The following TCF12 variants were observed in gnomAD, a reference collection of about 807,000 sequenced individuals.
TCF12 encodes DNA-binding protein HTF4.
Under a neutral mutation model 86.0 loss-of-function variants are expected in TCF12, and 45 were observed. The ratio of observed to expected loss-of-function variants is 0.52; its 90% CI spans 0.41 to 0.67. The LOEUF is 0.67. TCF12 is among the 30% of genes least tolerant of loss of function. The probability of loss-of-function intolerance (pLI) is 0.00; values close to 1 mark genes in which losing one functional copy is unlikely to be tolerated. For missense variants in TCF12, 881 were observed against 859.9 expected, an observed-to-expected ratio of 1.02 and a Z score of -0.31; for synonymous variants, 330 against 299.6, an observed-to-expected ratio of 1.10 and a Z score of -1.05.
chr15:57,084,941 T>C (rs1233368113), intron 4 of TCF12, among the ~76,000 whole-genome samples: 2 of 152,154 alleles, frequency 1.3e-5, no homozygotes, highest in African/African-American at 4.8e-5. Flanking sequence ...TCACACTATA[T>C]AGTACAGTTT....
intron 5 of TCF12, among the ~76,000 whole-genome samples, chr15:57,095,579 A>G (rs2049268692): frequency 6.6e-6 from 1 of 152,150 alleles, no homozygotes; most frequent in Non-Finnish European, 1.5e-5. Context: ...AAGGTGTAAA[A>G]TTATCTTCGG....
chr15:57,162,829 C>CT (rs200275534), intron 5 of TCF12, among the ~76,000 whole-genome samples: 89 of 147,560 alleles, frequency 6.0e-4, no homozygotes, highest in South Asian at 4.5e-3. Context: ...TCCACTTCAA[C>CT]TTTTTTTTTT....
intron 5 of TCF12, among the ~76,000 whole-genome samples, chr15:57,123,091 A>G (rs2051354143): frequency 1.3e-5 from 2 of 152,262 alleles, no homozygotes; most frequent in South Asian, 4.1e-4. Context: ...AATGAATGAT[A>G]CAATAGTAAA....
intron 12 of TCF12, among the ~76,000 whole-genome samples, chr15:57,234,477 A>T (rs1244659974): frequency 2.6e-5 from 4 of 152,228 alleles, no homozygotes; most frequent in African/African-American, 9.6e-5. Context: ...TTCCAAGATC[A>T]AAAGCATTTT....
intron 12 of TCF12, among the ~76,000 whole-genome samples, chr15:57,235,880 C>A (rs1050466874): frequency 6.6e-6 from 1 of 152,200 alleles, no homozygotes; most frequent in East Asian, 1.9e-4. Flanking sequence ...TTCTCAGTGG[C>A]CCTTCAAGTT....
At chr15:57,201,958 A>T (rs1369763416) in intron 8 of TCF12, among the ~76,000 whole-genome samples, 1 of 152,188 alleles carries the variant, frequency 6.6e-6, no homozygotes, top group African/African-American at 2.4e-5. Context: ...GTCGGGGGAA[A>T]AAAAGGAAAC....
chr15:57,101,591 GCGTGCGTGCACACACACA>G (rs1485900534), intron 5 of TCF12, among the ~76,000 whole-genome samples: 8 of 152,178 alleles, frequency 5.3e-5, no homozygotes, highest in Non-Finnish European at 1.2e-4. Flanking sequence ...GCATGTGCAC[GCGTGCGTGCACACACACA>G]CGTGCATATG....
At position 57,282,400 on chromosome 15, in the gene TCF12, A is replaced by G. The variant is rs756487894; in HGVS notation, c.1979-45A>G. 9.3e-6 allele frequency: 15 copies of G among 1,612,302 alleles called. No individual in the cohort carries two copies. The East Asian group carries it at 3.1e-4, about 34-fold the overall frequency. The stretch of plus-strand genomic sequence containing the variant: ...ATTTGTTCAGCTTGAGACCTAATTC[A>G]TAACTTAAAACCATAGTGATAAAAA... On this transcript the variant is annotated intron_variant, in intron 19 of 20. Coordinates refer to ENST00000333725, the MANE Select transcript of TCF12 (RefSeq NM_207037.2).
At chr15:57,072,136 G>T (rs546836915) in intron 4 of TCF12, among the ~76,000 whole-genome samples, 16 of 152,210 alleles carry the variant, frequency 1.1e-4, no homozygotes, top group South Asian at 1.0e-3. Context: ...ATGGACCCAC[G>T]GATAATGAAA....
intron 6 of TCF12, among the ~76,000 whole-genome samples, chr15:57,178,745 G>A (rs1010119678): frequency 6.6e-6 from 1 of 152,174 alleles, no homozygotes; most frequent in Non-Finnish European, 1.5e-5. Flanking sequence ...CTTTGAAGTA[G>A]ACATGCTTAG....
At chr15:56,975,102 A>T (rs2062533154) in intron 3 of TCF12, among the ~76,000 whole-genome samples, 1 of 152,148 alleles carries the variant, frequency 6.6e-6, no homozygotes, top group South Asian at 2.1e-4. Flanking sequence ...AGTAAGGGAC[A>T]ATATATAGCA....
chr15:57,223,063 T>C (rs1375163478), intron 8 of TCF12, among the ~76,000 whole-genome samples: 2 of 152,000 alleles, frequency 1.3e-5, no homozygotes, highest in African/African-American at 4.8e-5. Flanking sequence ...AATTTGATTG[T>C]AAGGGCTATT....
At chr15:56,939,428 A>G (rs1389280698) in intron 3 of TCF12, among the ~76,000 whole-genome samples, 1 of 152,114 alleles carries the variant, frequency 6.6e-6, no homozygotes, top group African/African-American at 2.4e-5. Context: ...AAAAAGTCTG[A>G]TGCCTGCTTT....
chr15:57,244,317 A>G lies in TCF12; in HGVS notation c.1114+767A>G, dbSNP rs1030933272. The stretch of plus-strand genomic sequence containing the variant: ...TCAAAGATGAATAACTATTTCTGCT[A>G]GATAGTCTGTTTTTATTTTTAGGTC... On this transcript the variant is annotated intron_variant, in intron 13 of 20. Coordinates refer to ENST00000333725, the MANE Select transcript of TCF12 (RefSeq NM_207037.2). Among the ~76,000 whole-genome samples the G allele has an allele frequency of 2.0e-5, 3 of 152,228 alleles. No individual in the cohort carries two copies. In the East Asian group the frequency reaches 5.8e-4, roughly 29 times the overall value.
intron 12 of TCF12, 46 bp from the exon 13 acceptor site, chr15:57,243,426 C>A: frequency 1.4e-6 from 2 of 1,471,724 alleles, no homozygotes; most frequent in Non-Finnish European, 1.9e-6. Context: ...TGTGTATGTG[C>A]TGTTGTCACA....
intron 5 of TCF12, among the ~76,000 whole-genome samples, chr15:57,137,177 C>T (rs2052609354): frequency 6.6e-6 from 1 of 151,906 alleles, no homozygotes; most frequent in Non-Finnish European, 1.5e-5. Flanking sequence ...GACGCGGTTT[C>T]ACCGCATTAG....
intron 5 of TCF12, among the ~76,000 whole-genome samples, chr15:57,116,143 C>T (rs1485289423): frequency 6.6e-6 from 1 of 152,124 alleles, no homozygotes; most frequent in Non-Finnish European, 1.5e-5. Flanking sequence ...TTTTACTTGA[C>T]ACTATCAGTA....
At chr15:57,119,266 TTTTGTTTTTTTGTTTGTTTG>T (rs2051057077) in intron 5 of TCF12, among the ~76,000 whole-genome samples, 1 of 151,464 alleles carries the variant, frequency 6.6e-6, no homozygotes, top group African/African-American at 2.4e-5. Context: ...CTAATGGTGG[TTTTGTTTTTTTGTTTGTTTG>T]TTTGTTTTTT....
rs76832316 is a variant in TCF12 at position 57,021,612 on chromosome 15, A to G, written c.149-42138A>G. Among the ~76,000 whole-genome samples, 225 of 152,362 alleles carry G rather than the reference A, an allele frequency of 1.5e-3. 8 individuals are homozygous for G. The East Asian group carries it at 0.042, about 29-fold the overall frequency. ...ACCAAGGATAAAATGTTCTTTACAC[A>G]GAAGTGACTTGTTTGGTCTTTCTAC... On this transcript the variant is annotated intron_variant, in intron 3 of 20. Coordinates refer to ENST00000333725, the MANE Select transcript of TCF12 (RefSeq NM_207037.2).
Sources: allele counts gnomAD v4.1 joint callset (sites outside exome capture counted in the v4.1 genomes callset), GRCh38; gene constraint gnomAD v4.1.1; transcripts MANE v1.5; gene names NCBI Gene and HGNC (gene_info 2026-07-23, HGNC 2026-07-21).